The following SNX24 variants were observed in gnomAD, a reference collection of about 807,000 sequenced individuals.
SNX24 encodes the protein sorting nexin 24.
SNX24 carries 22 observed loss-of-function variants against 28.7 expected under a neutral mutation model. The observed-to-expected ratio is 0.77, with a 90% CI of 0.55 to 1.10. The LOEUF (loss-of-function observed/expected upper bound fraction) is 1.10. Among genes scored for constraint, SNX24 ranks in the 50% least tolerant of loss-of-function variants. The pLI is 0.00. For synonymous variants in SNX24, 69 were observed against 71.5 expected, an observed-to-expected ratio of 0.96 and a Z score of 0.18; for missense variants, 221 against 201.1, an observed-to-expected ratio of 1.10 and a Z score of -0.60.
intron 1 of SNX24, 133 bp from the exon 2 acceptor site, chr5:122,936,601 C>T: frequency 2.0e-6 from 1 of 505,568 alleles, no homozygotes; most frequent in East Asian, 3.1e-5. Flanking sequence ...CCAGGGTGTC[C>T]TGAGCCTTCT....
At chr5:122,872,218 G>A (rs780098971) in intron 1 of SNX24, among the ~76,000 whole-genome samples, 2 of 151,096 alleles carry the variant, frequency 1.3e-5, no homozygotes, top group African/African-American at 4.9e-5. Context: ...TCCCTGCAGC[G>A]CTTTTAAATT....
chr5:122,910,305 C>A (rs1195627460), intron 1 of SNX24, among the ~76,000 whole-genome samples: 1 of 152,092 alleles, frequency 6.6e-6, no homozygotes, highest in Non-Finnish European at 1.5e-5. Flanking sequence ...CACAGCCACC[C>A]CCTTCTCTAC....
chr5:123,004,382 C>T (rs1482019651), intron 6 of SNX24, among the ~76,000 whole-genome samples: 1 of 152,188 alleles, frequency 6.6e-6, no homozygotes, highest in Non-Finnish European at 1.5e-5. Flanking sequence ...CCTCATCTTC[C>T]TTGGCCTCTC....
chr5:122,939,232 A>G (rs1317898572), intron 2 of SNX24, among the ~76,000 whole-genome samples: 1 of 152,208 alleles, frequency 6.6e-6, no homozygotes, highest in Non-Finnish European at 1.5e-5. Context: ...AATGTAGTTA[A>G]ATCTGTTGTT....
At chr5:122,993,507 A>G (rs1287245560) in intron 3 of SNX24, among the ~76,000 whole-genome samples, 1 of 152,022 alleles carries the variant, frequency 6.6e-6, no homozygotes, top group Non-Finnish European at 1.5e-5. Flanking sequence ...TCACTGTGAT[A>G]GCAGGTATGG....
intron 1 of SNX24, among the ~76,000 whole-genome samples, chr5:122,860,626 C>T (rs138853291): frequency 2.9e-4 from 44 of 152,252 alleles, no homozygotes; most frequent in African/African-American, 8.2e-4. Flanking sequence ...GACACAGTCT[C>T]GCTCTGTTGC....
At chr5:122,887,894 GT>G (rs1311298691) in intron 1 of SNX24, among the ~76,000 whole-genome samples, 3 of 152,180 alleles carry the variant, frequency 2.0e-5, no homozygotes, top group African/African-American at 4.8e-5. Flanking sequence ...GTAAAGATGA[GT>G]TTTCACCATG....
At chr5:122,930,506 A>T (rs953147575) in intron 1 of SNX24, among the ~76,000 whole-genome samples, 1 of 152,170 alleles carries the variant, frequency 6.6e-6, no homozygotes, top group African/African-American at 2.4e-5. Context: ...TCTGTATATT[A>T]GAAGTGGTTT....
chr5:122,981,331 G>A (rs1291017321), intron 3 of SNX24, among the ~76,000 whole-genome samples: 1 of 152,136 alleles, frequency 6.6e-6, no homozygotes, highest in Non-Finnish European at 1.5e-5. Context: ...GAAAAATTTG[G>A]TCAGCATCTT....
chr5:122,917,367 A>G, intron 1 of SNX24, among the ~76,000 whole-genome samples: 1 of 152,084 alleles, frequency 6.6e-6, no homozygotes, highest in Non-Finnish European at 1.5e-5. Context: ...CATGGAAAAT[A>G]CTCTATCTCA....
At chr5:122,901,734 A>T (rs1213648929) in intron 1 of SNX24, among the ~76,000 whole-genome samples, 8 of 152,130 alleles carry the variant, frequency 5.3e-5, no homozygotes, top group Non-Finnish European at 1.0e-4. Context: ...TCATACACAC[A>T]TGTTCTACCT....
At chr5:122,876,584 G>A (rs1019628396) in intron 1 of SNX24, among the ~76,000 whole-genome samples, 2 of 152,192 alleles carry the variant, frequency 1.3e-5, no homozygotes, top group African/African-American at 4.8e-5. Context: ...TGTTTTGAGT[G>A]TCTGCTTTGT....
intron 3 of SNX24, among the ~76,000 whole-genome samples, chr5:122,960,680 T>A (rs1760453280): frequency 6.6e-6 from 1 of 152,192 alleles, no homozygotes; most frequent in Admixed American, 6.5e-5. Flanking sequence ...AAGCCGTAAT[T>A]CAGCTGAGAG....
At chr5:122,957,974 A>G (rs1476849794) in intron 3 of SNX24, among the ~76,000 whole-genome samples, 3 of 152,170 alleles carry the variant, frequency 2.0e-5, no homozygotes, top group Non-Finnish European at 4.4e-5. Flanking sequence ...ATGCAAACAA[A>G]GATAATTTTA....
intron 3 of SNX24, among the ~76,000 whole-genome samples, chr5:122,976,997 A>G (rs1581823022): frequency 6.6e-6 from 1 of 151,840 alleles, no homozygotes; most frequent in Admixed American, 6.6e-5. Flanking sequence ...TCTTATCCAC[A>G]TTACCATTCT....
chr5:122,983,997 A>C (rs2150158678), intron 3 of SNX24, among the ~76,000 whole-genome samples: 1 of 152,310 alleles, frequency 6.6e-6, no homozygotes, highest in South Asian at 2.1e-4. Context: ...CTTTACTGTA[A>C]CATCAGCATC....
chr5:122,948,868 A>T (rs1191199854), intron 3 of SNX24, among the ~76,000 whole-genome samples: 1 of 152,182 alleles, frequency 6.6e-6, no homozygotes, highest in Non-Finnish European at 1.5e-5. Flanking sequence ...TTCAACTTTG[A>T]CATATAGCTT....
At chr5:123,023,802 A>G (rs1554081573) in intron 5 of SNX24, 2 of 1,413,446 alleles carry the variant, frequency 1.4e-6, no homozygotes, top group Non-Finnish European at 1.8e-6. Flanking sequence ...ATTGAAAGAC[A>G]ACACAACACA....
At chr5:122,976,782 G>T (rs779697722) in intron 3 of SNX24, among the ~76,000 whole-genome samples, 1 of 152,228 alleles carries the variant, frequency 6.6e-6, no homozygotes, top group Non-Finnish European at 1.5e-5. Flanking sequence ...CCTAGAGTGC[G>T]TAAAACGCAG....
Sources: gnomAD v4.1 joint callset for allele counts (sites outside exome capture counted in the v4.1 genomes callset) on GRCh38, gnomAD v4.1.1 for gene constraint, MANE v1.5 for transcripts, NCBI Gene and HGNC (gene_info 2026-07-23, HGNC 2026-07-21) for gene names.